The following EXO5 variants were observed in gnomAD, a reference collection of about 807,000 sequenced individuals.
The protein encoded by EXO5 is exonuclease V.
EXO5 carries 11 observed loss-of-function variants against 17.8 expected under a neutral mutation model. The ratio of observed to expected loss-of-function variants is 0.62; its 90% CI spans 0.39 to 1.02. EXO5 has a LOEUF of 1.02. Among genes scored for constraint, EXO5 ranks in the 50% least tolerant of loss-of-function variants. EXO5 has a pLI of 0.00. For missense variants in EXO5, 364 were observed against 434.8 expected (o/e 0.84, Z 1.45); for synonymous variants, 147 against 166.5 (o/e 0.88, Z 0.90).
Position 40,515,264 on chromosome 1 carries a change from C to G in EXO5, c.720C>G (p.His240Gln), listed in dbSNP as rs1645864671. The change falls in exon 4 of 4, where the codon CAC (histidine) becomes CAG (glutamine). Residue 240 changes from histidine to glutamine, a missense_variant. Coordinates refer to ENST00000415550, the MANE Select transcript of EXO5 (RefSeq NM_001346953.2). The stretch of plus-strand genomic sequence containing the variant: ...AAGTGACCCCTGCTAGCCTAATCCA[C>G]CACACAAAGTTGTGTCTAGAAAAGC... ...QGKVTPASLI[H>Q]HTKLCLEKPL... 1.9e-6 allele frequency: 3 copies of G among 1,614,108 alleles called. No individual in the cohort carries two copies. The highest frequency in any genetic ancestry group is 2.5e-6 in the Non-Finnish European group (3 of 1,180,006).
chr1:40,513,673 TC>T (rs1415003047), intron 3 of EXO5, among the ~76,000 whole-genome samples: 1 of 151,672 alleles, frequency 6.6e-6, no homozygotes, highest in Non-Finnish European at 1.5e-5. Context: ...CACTGCAACT[TC>T]CATCTCCCTG....
intron 3 of EXO5, among the ~76,000 whole-genome samples, chr1:40,510,027 A>G (rs1228003699): frequency 3.9e-5 from 6 of 152,218 alleles, no homozygotes; most frequent in Admixed American, 3.9e-4. Context: ...AAAGGCAAGT[A>G]GCATACTACT....
Position 40,515,138 on chromosome 1 carries a change from G to A in EXO5, c.594G>A (p.Lys198=), listed in dbSNP as rs1447816006. Residue 198 remains lysine (K), a synonymous_variant, in exon 4 of 4, where the codon AAG becomes AAA. Transcript: ENST00000415550. ...GGGAACTGGAGCTGGCGGAACTCAA[G>A]ACACGCAGGCGCCCTATGCTCCCTC... is the stretch of plus-strand genomic sequence containing the variant. ...AKGELELAEL[K]TRRRPMLPLE... is the part of the protein sequence containing the mutation. The A allele has an allele frequency of 6.2e-7, 1 of 1,614,176 alleles. No homozygotes were observed. Among genetic ancestry groups the A allele is most frequent in the African/African-American group, 1.3e-5 (1 of 75,032 alleles).
intron 3 of EXO5, among the ~76,000 whole-genome samples, chr1:40,513,056 T>A (rs1208891009): frequency 6.6e-6 from 1 of 152,180 alleles, no homozygotes; most frequent in African/African-American, 2.4e-5. Context: ...CAATAAATAT[T>A]CTCTATTATA....
Position 40,514,636 on chromosome 1 carries a change from TAGA to T in EXO5, c.96_98del (p.Glu32del). 5 of 1,614,210 alleles carry T rather than the reference TAGA, an allele frequency of 3.1e-6. No individual in the cohort carries two copies. The highest frequency in any genetic ancestry group is 2.5e-6 in the Non-Finnish European group (3 of 1,180,034). ...TCAGAGTTCCTGGAGTTTCTGGACC[TAGA>T]AGATGCCCAAGAGTCAAAGGCTTTA... On this transcript the variant is annotated inframe_deletion, in exon 4 of 4. Coordinates refer to ENST00000415550, the MANE Select transcript of EXO5 (RefSeq NM_001346953.2).
chr1:40,515,607 A>G lies in EXO5; in HGVS notation c.1063A>G (p.Arg355Gly). Reference sequence around the variant, plus strand: ...TACCTATGCAGACATTTGTGAGTGGAGAAAGGGCAGTGGAGTGCTCAGCTC... The same window carrying G: ...TACCTATGCAGACATTTGTGAGTGGGGAAAGGGCAGTGGAGTGCTCAGCTC... The part of the protein sequence containing the change: ...TCTYADICEW[R>G]KGSGVLSSTL... The change falls in exon 4 of 4, where the codon AGA becomes GGA. Residue 355 changes from arginine to glycine, a missense_variant. Transcript: ENST00000415550. 6.2e-7 allele frequency: 1 copy of G among 1,613,134 alleles called. No individual in the cohort carries two copies. Among genetic ancestry groups the G allele is most frequent in the Non-Finnish European group, 8.5e-7 (1 of 1,179,778 alleles).
intron 3 of EXO5, among the ~76,000 whole-genome samples, chr1:40,513,114 T>C (rs1420969019): frequency 6.6e-6 from 1 of 152,188 alleles, no homozygotes; most frequent in Non-Finnish European, 1.5e-5. Context: ...CAGATTTTTT[T>C]CCCATTATAA....
intron 3 of EXO5, among the ~76,000 whole-genome samples, chr1:40,510,722 A>AT (rs1196676906): frequency 6.6e-6 from 1 of 152,220 alleles, no homozygotes; most frequent in African/African-American, 2.4e-5. Flanking sequence ...CACCAGCCAG[A>AT]TGTAGCTACT....
At position 40,515,546 on chromosome 1, in the gene EXO5, A is replaced by G; in HGVS notation, c.1002A>G (p.Gly334=). 6.2e-7 allele frequency: 1 copy of G among 1,613,240 alleles called. No homozygotes were observed. The highest frequency in any genetic ancestry group is 8.5e-7 in the Non-Finnish European group (1 of 1,179,866). ...GGATGGGCCACCGAGAGCCCCAGGGAGTTGACGTGGAGGAGGCTTGGAAGT... is the reference window on the plus strand; with the variant it reads ...GGATGGGCCACCGAGAGCCCCAGGGGGTTGACGTGGAGGAGGCTTGGAAGT... The part of the protein sequence containing the change: ...AYWMGHREPQ[G]VDVEEAWKCR... Residue 334 remains glycine, a synonymous_variant, in exon 4 of 4, where the codon GGA becomes GGG. Coordinates refer to ENST00000415550, the MANE Select transcript of EXO5 (RefSeq NM_001346953.2).
Sources: allele counts gnomAD v4.1 joint callset (sites outside exome capture counted in the v4.1 genomes callset), GRCh38; gene constraint gnomAD v4.1.1; transcripts MANE v1.5; gene names NCBI Gene and HGNC (gene_info 2026-07-23, HGNC 2026-07-21).